The following KCNC2 variants were observed in gnomAD, a reference collection of about 807,000 sequenced individuals.
KCNC2 encodes the protein voltage-gated potassium channel KCNC2.
In KCNC2, 21 loss-of-function variants were observed where a neutral mutation model predicts 44.5. That is an observed-to-expected ratio of 0.47 (90% confidence interval 0.33 to 0.68). The LOEUF is 0.68. KCNC2 is among the 30% of genes least tolerant of loss of function. KCNC2 has a pLI of 0.01. For synonymous variants in KCNC2, 391 were observed against 339.1 expected, an observed-to-expected ratio of 1.15 and a Z score of -1.68; for missense variants, 589 against 826.2, an observed-to-expected ratio of 0.71 and a Z score of 3.52.
chr12:75,104,886 T>C (rs1455767640), intron 2 of KCNC2, among the ~76,000 whole-genome samples: 1 of 152,142 alleles, frequency 6.6e-6, no homozygotes, highest in African/African-American at 2.4e-5. Context: ...TTTTAAGTAA[T>C]AAAAACATTT....
intron 2 of KCNC2, among the ~76,000 whole-genome samples, chr12:75,120,601 C>T (rs1406101672): frequency 2.6e-5 from 4 of 152,154 alleles, no homozygotes; most frequent in African/African-American, 9.7e-5. Flanking sequence ...AAAGAATATC[C>T]TGTCCCTGAC....
chr12:75,111,407 G>A (rs1248790500), intron 2 of KCNC2, among the ~76,000 whole-genome samples: 1 of 151,988 alleles, frequency 6.6e-6, no homozygotes, highest in Non-Finnish European at 1.5e-5. Flanking sequence ...AGAGAACATT[G>A]GTGGTTACCA....
chr12:75,093,107 G>C (rs1044437408), intron 2 of KCNC2, among the ~76,000 whole-genome samples: 1 of 150,900 alleles, frequency 6.6e-6, no homozygotes, highest in Non-Finnish European at 1.5e-5. Context: ...AAAGAAACCA[G>C]TGCAGCTATT....
intron 2 of KCNC2, among the ~76,000 whole-genome samples, chr12:75,052,451 T>G (rs866527951): frequency 6.6e-6 from 1 of 152,146 alleles, no homozygotes; most frequent in Non-Finnish European, 1.5e-5. Flanking sequence ...GCTGTTTGAA[T>G]GAATGGCACT....
rs547872727 is a variant in KCNC2, at chr12:75,067,358, T to C, written c.688-16041A>G. Among the ~76,000 whole-genome samples the C allele has an allele frequency of 5.3e-5, 8 of 152,342 alleles. No individual in the cohort carries two copies. In the East Asian group the frequency reaches 1.3e-3, roughly 26 times the overall value. The stretch of plus-strand genomic sequence containing the variant: ...TCCTAAAATTTTACAAACAAGTAGA[T>C]AGATCAATTATAATACATTATAGTG... On this transcript the variant is annotated intron_variant, in intron 2 of 4. Coordinates refer to ENST00000549446, the MANE Select transcript of KCNC2 (RefSeq NM_139137.4).
At chr12:75,133,083 A>G (rs1888969309) in intron 2 of KCNC2, among the ~76,000 whole-genome samples, 1 of 152,054 alleles carries the variant, frequency 6.6e-6, no homozygotes, top group South Asian at 2.1e-4. Context: ...CAACTCTATT[A>G]TACCCTAGTT....
intron 2 of KCNC2, among the ~76,000 whole-genome samples, chr12:75,164,559 C>G (rs1891324265): frequency 6.6e-6 from 1 of 151,704 alleles, no homozygotes; most frequent in Non-Finnish European, 1.5e-5. Context: ...AAGTATCGAT[C>G]CTCAGCTGGA....
intron 2 of KCNC2, among the ~76,000 whole-genome samples, chr12:75,171,846 G>A (rs187714474): frequency 6.6e-6 from 1 of 151,892 alleles, no homozygotes; most frequent in Admixed American, 6.6e-5. Flanking sequence ...TACACTTTGT[G>A]TGCAAGTATC....
At chr12:75,109,981 A>G (rs1887096086) in intron 2 of KCNC2, among the ~76,000 whole-genome samples, 1 of 145,586 alleles carries the variant, frequency 6.9e-6, no homozygotes, top group Non-Finnish European at 1.5e-5. Context: ...ATATCACAAA[A>G]CACAGAGAAA....
chr12:75,124,063 C>T (rs1275005494), intron 2 of KCNC2: 1 of 152,204 alleles, frequency 6.6e-6, no homozygotes, highest in Non-Finnish European at 1.5e-5. Flanking sequence ...GAAACTTGAT[C>T]TTCTGTGTTC....
At chr12:75,098,405 T>C (rs886915014) in intron 2 of KCNC2, among the ~76,000 whole-genome samples, 6 of 152,166 alleles carry the variant, frequency 3.9e-5, no homozygotes, top group Admixed American at 2.6e-4. Context: ...TCAAACATTC[T>C]AAACCTACTG....
At chr12:75,187,982 A>G (rs2029869467) in intron 2 of KCNC2, among the ~76,000 whole-genome samples, 1 of 152,236 alleles carries the variant, frequency 6.6e-6, no homozygotes. Flanking sequence ...ACAGACTATC[A>G]ACATGCAAAC....
At chr12:75,072,079 T>C (rs1461725226) in intron 2 of KCNC2, among the ~76,000 whole-genome samples, 2 of 151,180 alleles carry the variant, frequency 1.3e-5, no homozygotes, top group African/African-American at 2.4e-5. Flanking sequence ...CAATATAGAG[T>C]CAATTTGATA....
At chr12:75,198,006 G>A (rs1278789435) in intron 2 of KCNC2, among the ~76,000 whole-genome samples, 2 of 151,828 alleles carry the variant, frequency 1.3e-5, no homozygotes, top group African/African-American at 4.8e-5. Flanking sequence ...CTGATAGCAA[G>A]TACATACTAC....
intron 2 of KCNC2, among the ~76,000 whole-genome samples, chr12:75,084,310 A>AGAT (rs1347053783): frequency 1.4e-5 from 2 of 145,964 alleles, no homozygotes; most frequent in East Asian, 1.9e-4. Context: ...ATAGATAGAT[A>AGAT]GATAGATAGA....
Position 75,162,981 on chromosome 12 carries a change from T to C in KCNC2, c.687+44316A>G, listed in dbSNP as rs918708463. Among the ~76,000 whole-genome samples the C allele has an allele frequency of 2.6e-5, 4 of 151,650 alleles. No homozygotes were observed. In the East Asian group the frequency reaches 7.8e-4, roughly 30 times the overall value. ...AAGTTGCCCCCACTAAGCAGACCTA[T>C]TTGGTTGACCGTAGAAGTGGATCTG... On this transcript the variant is annotated intron_variant, in intron 2 of 4. Transcript: ENST00000549446.
At chr12:75,185,731 G>T (rs1208181382) in intron 2 of KCNC2, among the ~76,000 whole-genome samples, 1 of 152,058 alleles carries the variant, frequency 6.6e-6, no homozygotes, top group Non-Finnish European at 1.5e-5. Flanking sequence ...ATAATTTCTT[G>T]TATGTGTTAA....
chr12:75,134,871 TTCTCCATAGCTAGTCTGATTA>T (rs1243979665), intron 2 of KCNC2, among the ~76,000 whole-genome samples: 43 of 152,058 alleles, frequency 2.8e-4, no homozygotes, highest in Non-Finnish European at 5.3e-4. Flanking sequence ...CATATTATGC[TTCTCCATAGCTAGTCTGATTA>T]TCTCCATAGC....
intron 2 of KCNC2, among the ~76,000 whole-genome samples, chr12:75,163,385 A>T (rs1891245052): frequency 6.6e-6 from 1 of 151,726 alleles, no homozygotes; most frequent in South Asian, 2.1e-4. Context: ...TTGTTGAGAG[A>T]AACTTATTAT....
Sources: gnomAD v4.1 joint callset for allele counts (sites outside exome capture counted in the v4.1 genomes callset) on GRCh38, gnomAD v4.1.1 for gene constraint, MANE v1.5 for transcripts, NCBI Gene and HGNC (gene_info 2026-07-23, HGNC 2026-07-21) for gene names.